The following DOCK4 variants were observed in gnomAD, a reference collection of about 807,000 sequenced individuals.
DOCK4 encodes the protein dedicator of cytokinesis protein 4.
A neutral mutation model predicts 268.1 loss-of-function variants in DOCK4; 97 were observed. That is an observed-to-expected ratio of 0.36 (90% CI 0.31 to 0.43). The LOEUF is 0.43. Among genes scored for constraint, DOCK4 ranks in the 20% least tolerant of loss-of-function variants. The pLI, the probability that DOCK4 is intolerant of heterozygous loss-of-function variation, is 1.00. For synonymous variants in DOCK4, 954 were observed against 887.2 expected (o/e 1.08, Z -1.34); for missense variants, 2,145 against 2,455.7 (o/e 0.87, Z 2.67).
intron 1 of DOCK4, among the ~76,000 whole-genome samples, chr7:112,034,076 G>A (rs1167852279): frequency 6.6e-6 from 1 of 152,130 alleles, no homozygotes; most frequent in East Asian, 1.9e-4. Context: ...AATACAGAGA[G>A]AGCTGTTCAT....
At chr7:111,800,242 A>G (rs1800176017) in intron 30 of DOCK4, among the ~76,000 whole-genome samples, 1 of 151,800 alleles carries the variant, frequency 6.6e-6, no homozygotes, top group Non-Finnish European at 1.5e-5. Context: ...AAAAACAGCA[A>G]CAACAACAAC....
intron 1 of DOCK4, among the ~76,000 whole-genome samples, chr7:112,099,015 T>C (rs1586819801): frequency 6.6e-6 from 1 of 152,012 alleles, no homozygotes; most frequent in Admixed American, 6.5e-5. Context: ...GAAGGCCAGG[T>C]GTGGTAGGTC....
intron 3 of DOCK4, 40 bp from the exon 4 acceptor site, chr7:111,998,543 A>T (rs1173289880): frequency 6.6e-7 from 1 of 1,525,746 alleles, no homozygotes; most frequent in Admixed American, 2.1e-5. Context: ...CCGGCTGTTA[A>T]GGCAGGGTTG....
At position 111,949,053 on chromosome 7, in the gene DOCK4, A is replaced by C. The variant is rs1201315544; in HGVS notation, c.702-3255T>G. Among the ~76,000 whole-genome samples the C allele has an allele frequency of 3.3e-5, 5 of 152,220 alleles. No homozygotes were observed. The East Asian group carries it at 5.8e-4, about 18-fold the overall frequency. On this transcript the variant is annotated intron_variant, in intron 8 of 52. Coordinates refer to ENST00000428084, the MANE Select transcript of DOCK4 (RefSeq NM_001363540.2). ...ATATTTAGTCTGTTTCTTAGTAATCAGTTACCTACTAATGTATTTATTGAT... is the reference window on the plus strand; with the variant it reads ...ATATTTAGTCTGTTTCTTAGTAATCCGTTACCTACTAATGTATTTATTGAT...
Position 111,863,365 on chromosome 7 carries a change from A to G in DOCK4, c.2473+7T>C. 6.2e-7 allele frequency: 1 copy of G among 1,614,008 alleles called. No homozygotes were observed. The highest frequency in any genetic ancestry group is 1.1e-5 in the South Asian group (1 of 91,078). On this transcript the variant is annotated splice_region_variant and intron_variant, in intron 23 of 52. Transcript: ENST00000428084. ...AGGCACAATTTCCTCCAAGAGACTC[A>G]CCCTACCTGGGTTGGTATAAAGCTG...
intron 1 of DOCK4, among the ~76,000 whole-genome samples, chr7:112,023,217 C>T (rs542361690): frequency 1.4e-4 from 22 of 152,238 alleles, no homozygotes; most frequent in Non-Finnish European, 2.4e-4. Context: ...TGTGAGGCAC[C>T]GTGTCCAGCT....
chr7:111,926,043 C>T lies in DOCK4; in HGVS notation c.1066+9497G>A, dbSNP rs372383282. On this transcript the variant is annotated intron_variant, in intron 12 of 52. Transcript: ENST00000428084. ...CCGGGAGGCGGAGGTTGTAGTGAGCCGAGATCGTGCCACTGCACTCCAGCC... is the reference window on the plus strand; with the variant it reads ...CCGGGAGGCGGAGGTTGTAGTGAGCTGAGATCGTGCCACTGCACTCCAGCC... Among the ~76,000 whole-genome samples the T allele has an allele frequency of 5.7e-5, 8 of 140,574 alleles. 1 individual carries two copies. Among genetic ancestry groups the T allele is most frequent in the East Asian group, 4.1e-4 (2 of 4,906 alleles). The allele number at this position is 140,574 out of a possible 152,430, so 92.2% of individuals were successfully genotyped here.
intron 44 of DOCK4, among the ~76,000 whole-genome samples, chr7:111,743,444 A>G (rs1796066210): frequency 6.6e-6 from 1 of 152,226 alleles, no homozygotes; most frequent in Non-Finnish European, 1.5e-5. Flanking sequence ...TGCATAACAA[A>G]TATCAAGGAT....
intron 49 of DOCK4, among the ~76,000 whole-genome samples, chr7:111,738,550 T>C (rs550373395): frequency 6.6e-6 from 1 of 152,304 alleles, no homozygotes; most frequent in African/African-American, 2.4e-5. Flanking sequence ...TTGCATAATG[T>C]TTAAGAAGCA....
chr7:112,109,987 G>A (rs965779532), intron 1 of DOCK4, among the ~76,000 whole-genome samples: 21 of 151,464 alleles, frequency 1.4e-4, no homozygotes, highest in African/African-American at 3.9e-4. Context: ...CTCGTGATCC[G>A]CCCGCCTCGG....
chr7:112,063,283 C>T (rs779971438), intron 1 of DOCK4, among the ~76,000 whole-genome samples: 3 of 152,192 alleles, frequency 2.0e-5, no homozygotes, highest in African/African-American at 4.8e-5. Flanking sequence ...GTCTGTAATT[C>T]GTGGCCTTCT....
chr7:112,110,033 C>T (rs537719769), intron 1 of DOCK4, among the ~76,000 whole-genome samples: 21 of 152,200 alleles, frequency 1.4e-4, no homozygotes, highest in Non-Finnish European at 1.9e-4. Flanking sequence ...CGTGAGCCAC[C>T]GCGCCCGGCC....
chr7:112,165,523 CGTGTGTGT>C (rs112020512), intron 1 of DOCK4, among the ~76,000 whole-genome samples: 5,111 of 126,546 alleles, frequency 0.04, 203 homozygotes, highest in African/African-American at 0.094. Context: ...GAATAGTATA[CGTGTGTGT>C]GTGTGTGTGT....
chr7:111,816,174 T>C lies in DOCK4; in HGVS notation c.2931-4225A>G, dbSNP rs188696656. Among the ~76,000 whole-genome samples, 470 of 152,216 alleles carry C rather than the reference T, an allele frequency of 3.1e-3. 1 individual carries two copies. The highest frequency in any genetic ancestry group is 3.5e-3 in the Non-Finnish European group (240 of 68,004). On this transcript the variant is annotated intron_variant, in intron 27 of 52. Transcript: ENST00000428084. ...ATCCAGGAAAGCTTATCTCCCATAA[T>C]TTTTTTTAATTACTCCAATTTGATA...
At chr7:111,926,402 G>A (rs1242999036) in intron 12 of DOCK4, among the ~76,000 whole-genome samples, 3 of 144,488 alleles carry the variant, frequency 2.1e-5, no homozygotes, top group African/African-American at 8.1e-5. Flanking sequence ...CTGCACTCCA[G>A]CCTGGCGACA....
At chr7:112,167,713 C>T (rs564790607) in intron 1 of DOCK4, among the ~76,000 whole-genome samples, 6 of 152,184 alleles carry the variant, frequency 3.9e-5, no homozygotes, top group African/African-American at 9.6e-5. Context: ...TAATTCAAGC[C>T]AACCTCAGTA....
chr7:111,756,759 A>G (rs1797049879), intron 41 of DOCK4, among the ~76,000 whole-genome samples: 1 of 149,746 alleles, frequency 6.7e-6, no homozygotes, highest in Non-Finnish European at 1.5e-5. Context: ...AACCACAACA[A>G]AAAAAAAAAT....
At chr7:112,163,333 C>A (rs1440124182) in intron 1 of DOCK4, among the ~76,000 whole-genome samples, 1 of 152,084 alleles carries the variant, frequency 6.6e-6, no homozygotes, top group African/African-American at 2.4e-5. Context: ...CTCATCAATG[C>A]CCTGGCCAAC....
chr7:111,979,458 G>T lies in DOCK4; in HGVS notation c.550-2175C>A, dbSNP rs1394168794. Among the ~76,000 whole-genome samples the T allele has an allele frequency of 4.1e-5, 6 of 144,592 alleles. No individual in the cohort carries two copies. In the South Asian group the frequency reaches 1.3e-3, roughly 32 times the overall value. The allele number at this position is 144,592 out of a possible 152,430, so 94.9% of individuals were successfully genotyped here. ...TTTTGCCTTGTTTTCTATAAAGGTT[G>T]CTCTACTTTGTGCTTTAACAATTTT... is the stretch of plus-strand genomic sequence containing the variant. On this transcript the variant is annotated intron_variant, in intron 7 of 52. Coordinates refer to ENST00000428084, the MANE Select transcript of DOCK4 (RefSeq NM_001363540.2).
Sources: gnomAD v4.1 joint callset for allele counts (sites outside exome capture counted in the v4.1 genomes callset) on GRCh38, gnomAD v4.1.1 for gene constraint, MANE v1.5 for transcripts, NCBI Gene and HGNC (gene_info 2026-07-23, HGNC 2026-07-21) for gene names.